The following RAI1 variants were observed in gnomAD, a reference collection of about 807,000 sequenced individuals.
RAI1 encodes the protein retinoic acid induced 1, also known as retinoic acid-induced protein 1.
Under a neutral mutation model 123.8 loss-of-function variants are expected in RAI1, and 9 were observed. That is an observed-to-expected ratio of 0.07 (90% CI 0.04 to 0.13). The LOEUF is 0.13. Ranked by LOEUF, RAI1 falls within the 10% of genes least tolerant of loss-of-function variation. RAI1 has a pLI of 1.00. For missense variants in RAI1, 2,256 were observed against 2,545.8 expected, an observed-to-expected ratio of 0.89 and a Z score of 2.45; for synonymous variants, 1,231 against 1,127.3, an observed-to-expected ratio of 1.09 and a Z score of -1.84.
intron 2 of RAI1, among the ~76,000 whole-genome samples, chr17:17,785,589 C>T (rs1018339757): frequency 2.0e-5 from 3 of 152,182 alleles, no homozygotes; most frequent in African/African-American, 7.2e-5. Flanking sequence ...GGTGGCGCCT[C>T]GCCCGGTGTC....
Position 17,795,858 on chromosome 17 carries a change from C to T in RAI1, c.2910C>T (p.Ala970=), listed in dbSNP as rs765100171. The T allele has an allele frequency of 1.2e-5, 20 of 1,613,076 alleles. No individual in the cohort carries two copies. The highest frequency in any genetic ancestry group is 1.7e-5 in the Admixed American group (1 of 60,028). Residue 970 remains alanine (A), a synonymous_variant, in exon 3 of 6, where the codon GCC becomes GCT. Coordinates refer to ENST00000353383, the MANE Select transcript of RAI1 (RefSeq NM_030665.4). This position sits in a 1 kb window ranked among gnomAD's most constrained non-coding sequence, Gnocchi z 5.9. ...CAGGGGATTCCACCACCTCGGACGC[C>T]TCTCTGGCCCAGAAGCCCAACAAGC... ...RAPGDSTTSD[A]SLAQKPNKPA...
At chr17:17,725,280 T>G (rs1484944234) in intron 2 of RAI1, among the ~76,000 whole-genome samples, 1 of 152,032 alleles carries the variant, frequency 6.6e-6, no homozygotes, top group African/African-American at 2.4e-5. Flanking sequence ...TCTGGTACAA[T>G]GCGGGCTGAA....
Position 17,810,055 on chromosome 17 carries a change from G to T in RAI1, c.*74G>T. ...CGCCGCCGAAGGAGAGGAGCCGCCTGCGCAGCCCCCGGGCCTTTGAGCTGC... is the reference window on the plus strand; with the variant it reads ...CGCCGCCGAAGGAGAGGAGCCGCCTTCGCAGCCCCCGGGCCTTTGAGCTGC... On this transcript the variant is annotated 3_prime_UTR_variant, in exon 6 of 6. Transcript: ENST00000353383. This position sits in a 1 kb window ranked among gnomAD's most constrained non-coding sequence, Gnocchi z 4.6. 1 of 1,535,432 alleles carries T rather than the reference G, an allele frequency of 6.5e-7. No homozygotes were observed. The highest frequency in any genetic ancestry group is 8.8e-7 in the Non-Finnish European group (1 of 1,140,660).
At position 17,799,216 on chromosome 17, in the gene RAI1, C is replaced by T. The variant is rs1324120562; in HGVS notation, c.5565+703C>T. On this transcript the variant is annotated intron_variant, in intron 3 of 5. Transcript: ENST00000353383. This position sits in a 1 kb window ranked among gnomAD's most constrained non-coding sequence, Gnocchi z 4.5. The stretch of plus-strand genomic sequence containing the variant: ...GGGCTGTGACCTGCCCTCTCTGTGC[C>T]TCCGTCCCCTCGCCCCTAACGTGGG... 6.6e-6 allele frequency among the ~76,000 whole-genome samples: 1 copy of T among 152,228 alleles called. No individual in the cohort carries two copies. Among genetic ancestry groups the T allele is most frequent in the Non-Finnish European group, 1.5e-5 (1 of 68,038 alleles).
chr17:17,741,648 GC>G (rs1916640394), intron 2 of RAI1, among the ~76,000 whole-genome samples: 1 of 152,228 alleles, frequency 6.6e-6, no homozygotes, highest in African/African-American at 2.4e-5. Context: ...TATTGTTCCT[GC>G]CTTTCCCCTC....
At chr17:17,767,126 G>A (rs971480119) in intron 2 of RAI1, among the ~76,000 whole-genome samples, 2 of 152,170 alleles carry the variant, frequency 1.3e-5, no homozygotes, top group African/African-American at 4.8e-5. Flanking sequence ...TTGCTGGGGT[G>A]CACACCGTCC....
In RAI1 at chr17:17,793,560, C is replaced by T; in HGVS notation, c.612C>T (p.Pro204=). ...QNDIASPLPF[P]QGTHFPQHSQ... ...ACATTGCCTCCCCTCTGCCCTTCCCCCAGGGTACCCACTTTCCTCAGCATT... is the reference window on the plus strand; with the variant it reads ...ACATTGCCTCCCCTCTGCCCTTCCCTCAGGGTACCCACTTTCCTCAGCATT... The change falls in exon 3 of 6, where the codon CCC becomes CCT. Residue 204 remains proline, a synonymous_variant. Transcript: ENST00000353383. 6.2e-7 allele frequency: 1 copy of T among 1,613,918 alleles called. No homozygotes were observed. The highest frequency in any genetic ancestry group is 8.5e-7 in the Non-Finnish European group (1 of 1,179,990).
At chr17:17,757,020 C>T (rs1344627525) in intron 2 of RAI1, among the ~76,000 whole-genome samples, 10 of 152,334 alleles carry the variant, frequency 6.6e-5, no homozygotes, top group Admixed American at 6.5e-4. Context: ...GTGTACACTT[C>T]ACCCTATCTC....
At chr17:17,749,886 A>T (rs992248656) in intron 2 of RAI1, among the ~76,000 whole-genome samples, 1 of 152,268 alleles carries the variant, frequency 6.6e-6, no homozygotes, top group East Asian at 1.9e-4. Context: ...TGAATGAGCA[A>T]ATGAGTGAAT....
intron 1 of RAI1, among the ~76,000 whole-genome samples, chr17:17,686,568 CGTGT>C (rs58906330): frequency 0.02 from 2,450 of 124,462 alleles, 40 homozygotes; most frequent in East Asian, 0.049. Flanking sequence ...TTCTTGAACC[CGTGT>C]GTGTGTGTGT....
intron 2 of RAI1, among the ~76,000 whole-genome samples, chr17:17,728,306 T>G (rs1006026214): frequency 2.0e-5 from 3 of 147,004 alleles, no homozygotes; most frequent in African/African-American, 2.5e-5. Flanking sequence ...CAGGGAGGGG[T>G]GGGGTTGAGG....
At chr17:17,807,339 C>T (rs1371852940) in intron 4 of RAI1, among the ~76,000 whole-genome samples, 3 of 152,128 alleles carry the variant, frequency 2.0e-5, no homozygotes, top group Non-Finnish European at 4.4e-5. Context: ...AGCCCCAGGC[C>T]TCTGTGTCAG....
At chr17:17,758,773 C>T (rs1360677943) in intron 2 of RAI1, among the ~76,000 whole-genome samples, 6 of 152,136 alleles carry the variant, frequency 3.9e-5, no homozygotes, top group African/African-American at 1.2e-4. Flanking sequence ...GGGCCCTTCA[C>T]GGGGGCTGAT....
chr17:17,797,317 G>C lies in RAI1; in HGVS notation c.4369G>C (p.Gly1457Arg). Residue 1457 changes from glycine to arginine, a missense_variant, in exon 3 of 6, where the codon GGA (glycine) becomes CGA (arginine). This residue lies in a region of RAI1 where 410 missense variants were observed against 374.6 expected (regional missense o/e 1.09). Coordinates refer to ENST00000353383, the MANE Select transcript of RAI1 (RefSeq NM_030665.4). ...RSRKGRAGAHGLSKGPLEKRP... is the reference protein window; with the variant it reads ...RSRKGRAGAHRLSKGPLEKRP... ...CCGGAAAGGCCGGGCAGGGGCCCAT[G>C]GACTCTCCAAAGGCCCGCTGGAGAA... 1.9e-6 allele frequency: 3 copies of C among 1,612,512 alleles called. No homozygotes were observed. The highest frequency in any genetic ancestry group is 2.5e-6 in the Non-Finnish European group (3 of 1,179,874).
In RAI1 at chr17:17,794,998, C is replaced by T. The variant is rs779347895; in HGVS notation, c.2050C>T (p.Pro684Ser). The change falls in exon 3 of 6, where the codon CCA (proline) becomes TCA (serine). Residue 684 changes from proline (P) to serine (S), a missense_variant. Physicochemically the swap from Pro to Ser is moderately conservative, Grantham distance 74. Around this residue, in one of 7 missense-constraint regions of RAI1, gnomAD observed 566 missense variants for 616.0 expected, o/e 0.92. Transcript: ENST00000353383. Reference sequence around the variant, plus strand: ...GGGCGGCAATGCCAAGGACTTCAGCCCAGGGCTGTTTGAAGACCCTTCCGT... The same window carrying T: ...GGGCGGCAATGCCAAGGACTTCAGCTCAGGGCTGTTTGAAGACCCTTCCGT... ...DKGGNAKDFS[P>S]GLFEDPSVAF... 3.1e-6 allele frequency: 5 copies of T among 1,614,030 alleles called. No homozygotes were observed. The highest frequency in any genetic ancestry group is 1.7e-5 in the Admixed American group (1 of 60,030).
At chr17:17,692,144 G>T (rs1914859663) in intron 1 of RAI1, among the ~76,000 whole-genome samples, 1 of 152,198 alleles carries the variant, frequency 6.6e-6, no homozygotes, top group Non-Finnish European at 1.5e-5. Flanking sequence ...GTCCCCTGGG[G>T]CCCCTGCCCT....
chr17:17,763,706 T>C (rs2350967), intron 2 of RAI1, among the ~76,000 whole-genome samples: 9 of 152,110 alleles, frequency 5.9e-5, no homozygotes, highest in African/African-American at 1.9e-4. Flanking sequence ...AGTCAGAATG[T>C]TTCTGTTTCA....
intron 2 of RAI1, among the ~76,000 whole-genome samples, chr17:17,744,076 G>GTGAC (rs1916730607): frequency 6.6e-6 from 1 of 152,270 alleles, no homozygotes; most frequent in Non-Finnish European, 1.5e-5. Flanking sequence ...ACAGACCTGA[G>GTGAC]TGACTGTGTG....
At chr17:17,749,810 C>T (rs2030084396) in intron 2 of RAI1, among the ~76,000 whole-genome samples, 1 of 152,214 alleles carries the variant, frequency 6.6e-6, no homozygotes, top group Admixed American at 6.5e-5. Flanking sequence ...TTCTGTTGCT[C>T]CCCTCTGTAT....
Sources: allele counts gnomAD v4.1 joint callset (sites outside exome capture counted in the v4.1 genomes callset), GRCh38; gene constraint gnomAD v4.1.1; regional missense constraint gnomAD v4.1.1; non-coding constraint Gnocchi (gnomAD v3.1); transcripts MANE v1.5; gene names NCBI Gene and HGNC (gene_info 2026-07-23, HGNC 2026-07-21).